CFAP54: variants seen among roughly 807,000 people sequenced by gnomAD.
CFAP54 encodes cilia- and flagella-associated protein 54.
A neutral mutation model predicts 370.4 loss-of-function variants in CFAP54; 290 were observed. The observed-to-expected ratio is 0.78, with a 90% CI of 0.71 to 0.86. The LOEUF (loss-of-function observed/expected upper bound fraction) is 0.86. CFAP54 is among the 40% of genes least tolerant of loss of function. The pLI, the probability that CFAP54 is intolerant of heterozygous loss-of-function variation, is 0.00. For synonymous variants in CFAP54, 1,206 were observed against 1,236.5 expected (o/e 0.98, Z 0.52); for missense variants, 3,399 against 3,528.7 (o/e 0.96, Z 0.93).
intron 36 of CFAP54, among the ~76,000 whole-genome samples, chr12:96,652,453 T>C (rs2136505162): frequency 6.6e-6 from 1 of 152,238 alleles, no homozygotes; most frequent in South Asian, 2.1e-4. Context: ...TAACTCTAAG[T>C]GATAAGAATG....
At chr12:96,846,071 C>T (rs1055618030) in intron 66 of CFAP54, among the ~76,000 whole-genome samples, 2 of 152,180 alleles carry the variant, frequency 1.3e-5, no homozygotes, top group South Asian at 4.2e-4. Context: ...ACTCAGGCTT[C>T]GTTTCTCACA....
intron 38 of CFAP54, among the ~76,000 whole-genome samples, chr12:96,661,391 A>G (rs1956992955): frequency 6.6e-6 from 1 of 152,224 alleles, no homozygotes; most frequent in African/African-American, 2.4e-5. Flanking sequence ...CTAGCTAGCT[A>G]GCTGGCTATC....
At chr12:96,597,783 C>T (rs1956194619) in intron 25 of CFAP54, among the ~76,000 whole-genome samples, 1 of 151,758 alleles carries the variant, frequency 6.6e-6, no homozygotes, top group South Asian at 2.1e-4. Context: ...TTTTGTAAAA[C>T]AACAACCCTC....
chr12:96,846,636 T>A (rs1959355267), intron 66 of CFAP54, among the ~76,000 whole-genome samples: 1 of 152,182 alleles, frequency 6.6e-6, no homozygotes, highest in African/African-American at 2.4e-5. Flanking sequence ...ATAGAATGGT[T>A]TTCTTAAATA....
intron 55 of CFAP54, among the ~76,000 whole-genome samples, chr12:96,753,381 G>A (rs1000167006): frequency 1.3e-5 from 2 of 152,098 alleles, no homozygotes; most frequent in Admixed American, 1.3e-4. Flanking sequence ...ATTTTATTGG[G>A]AACAACATAA....
rs71068819 is a variant in CFAP54 at position 96,621,875 on chromosome 12, G to GTTTTTTTTTTTTTTTTTTTTTTTTT, written c.3771+162_3771+186dup. Reference sequence around the variant, plus strand: ...ATTATAGTAAAGAGCTTTTGGGTTTGTTTTTTTTTTTTTTTTTTTTTTTTT... The same window carrying GTTTTTTTTTTTTTTTTTTTTTTTTT: ...ATTATAGTAAAGAGCTTTTGGGTTTGTTTTTTTTTTTTTTTTTTTTTTTTTTTTTTTTTTTTTTTTTTTTTTTTTT... On this transcript the variant is annotated intron_variant, in intron 27 of 67. Transcript: ENST00000524981. Among the ~76,000 whole-genome samples, 3 of 50,022 alleles carry GTTTTTTTTTTTTTTTTTTTTTTTTT rather than the reference G, an allele frequency of 6.0e-5. 1 individual carries two copies. The highest frequency in any genetic ancestry group is 7.0e-4 in the Admixed American group (2 of 2,840). 32.8% of individuals were successfully genotyped at this position (50,022 alleles called of 152,430 possible). A position where few individuals can be genotyped will look rare whatever the true frequency, so the allele number is the denominator to read the frequency against.
intron 25 of CFAP54, among the ~76,000 whole-genome samples, chr12:96,595,677 C>T (rs1247249836): frequency 1.3e-5 from 2 of 152,094 alleles, no homozygotes; most frequent in Non-Finnish European, 2.9e-5. Context: ...GGAGATCTGC[C>T]TCCAGAGTCT....
chr12:96,506,364 A>G (rs1955100669), intron 3 of CFAP54, among the ~76,000 whole-genome samples: 1 of 151,588 alleles, frequency 6.6e-6, no homozygotes, highest in African/African-American at 2.4e-5. Context: ...AATTGATTCA[A>G]TTCTGTATTT....
intron 44 of CFAP54, among the ~76,000 whole-genome samples, chr12:96,691,556 T>C (rs1315487425): frequency 6.6e-6 from 1 of 152,192 alleles, no homozygotes; most frequent in Non-Finnish European, 1.5e-5. Flanking sequence ...TATATTTTTT[T>C]CTTAAGTTAG....
At chr12:96,497,842 G>A (rs1010688518) in intron 1 of CFAP54, among the ~76,000 whole-genome samples, 8 of 152,176 alleles carry the variant, frequency 5.3e-5, no homozygotes, top group African/African-American at 1.2e-4. Context: ...GGCTTTTTAC[G>A]TAGATAAGAC....
At chr12:96,861,176 T>G (rs1673519819) in intron 67 of CFAP54, among the ~76,000 whole-genome samples, 1 of 152,266 alleles carries the variant, frequency 6.6e-6, no homozygotes. Context: ...CAAGTTTATG[T>G]GCAGTGCAAC....
intron 25 of CFAP54, among the ~76,000 whole-genome samples, chr12:96,597,848 G>A (rs1340282153): frequency 6.6e-6 from 1 of 151,586 alleles, no homozygotes; most frequent in Non-Finnish European, 1.5e-5. Flanking sequence ...TATGAGCTTC[G>A]GGAAAACTCC....
At chr12:96,774,730 C>G (rs1176040373) in intron 60 of CFAP54, among the ~76,000 whole-genome samples, 2 of 152,058 alleles carry the variant, frequency 1.3e-5, no homozygotes, top group Non-Finnish European at 2.9e-5. Context: ...ATCATCTTAA[C>G]CAAGAATATT....
intron 66 of CFAP54, among the ~76,000 whole-genome samples, chr12:96,843,418 G>A (rs1273229412): frequency 6.6e-6 from 1 of 152,106 alleles, no homozygotes; most frequent in Non-Finnish European, 1.5e-5. Context: ...CGTTTAAATG[G>A]AACTAAACCT....
chr12:96,530,808 A>G (rs917016061), intron 9 of CFAP54, among the ~76,000 whole-genome samples: 7 of 152,220 alleles, frequency 4.6e-5, no homozygotes, highest in African/African-American at 1.7e-4. Context: ...TGTGTAAATG[A>G]TCCAGTTTCT....
chr12:96,512,908 CTT>C, intron 4 of CFAP54, 76 bp from the exon 5 acceptor site: 1 of 946,872 alleles, frequency 1.1e-6, no homozygotes, highest in Admixed American at 2.4e-5. Flanking sequence ...GAACTACAGA[CTT>C]GAACCACAGA....
chr12:96,799,371 G>A (rs1324407964), intron 63 of CFAP54, among the ~76,000 whole-genome samples: 1 of 152,094 alleles, frequency 6.6e-6, no homozygotes, highest in East Asian at 1.9e-4. Context: ...ATTTTTATTT[G>A]CTTTTTGTGT....
intron 66 of CFAP54, among the ~76,000 whole-genome samples, chr12:96,844,926 C>T (rs1959296307): frequency 1.3e-5 from 2 of 152,184 alleles, no homozygotes; most frequent in South Asian, 2.1e-4. Flanking sequence ...GACACCCATG[C>T]TTTTCTAGCT....
At chr12:96,752,085 T>TGAGAGA (rs55648812) in intron 55 of CFAP54, among the ~76,000 whole-genome samples, 9,777 of 90,424 alleles carry the variant, frequency 0.11, 1,266 homozygotes, top group Non-Finnish European at 0.13. Flanking sequence ...TCTTCCTGGA[T>TGAGAGA]GAGAGAGAGA....
Sources: allele counts gnomAD v4.1 joint callset (sites outside exome capture counted in the v4.1 genomes callset), GRCh38; gene constraint gnomAD v4.1.1; transcripts MANE v1.5; gene names NCBI Gene and HGNC (gene_info 2026-07-23, HGNC 2026-07-21).